METTL16: variants seen among roughly 807,000 people sequenced by gnomAD.
METTL16 encodes the protein RNA N(6)-adenosine-methyltransferase METTL16.
A neutral mutation model predicts 57.9 loss-of-function variants in METTL16; 19 were observed. The ratio of observed to expected loss-of-function variants is 0.33; its 90% CI spans 0.23 to 0.48. The LOEUF is 0.48. METTL16 is among the 20% of genes least tolerant of loss of function. The probability of loss-of-function intolerance (pLI) is 0.99; values close to 1 mark genes in which losing one functional copy is unlikely to be tolerated. For synonymous variants in METTL16, 246 were observed against 255.6 expected, an observed-to-expected ratio of 0.96 and a Z score of 0.36; for missense variants, 434 against 691.5, an observed-to-expected ratio of 0.63 and a Z score of 4.18.
chr17:2,510,990 G>C (rs1567910844), intron 1 of METTL16, among the ~76,000 whole-genome samples: 1 of 151,868 alleles, frequency 6.6e-6, no homozygotes, highest in Non-Finnish European at 1.5e-5. Context: ...TGTCTGTCTT[G>C]TTCACCGCAT....
intron 8 of METTL16, among the ~76,000 whole-genome samples, chr17:2,428,714 T>C (rs1348196732): frequency 1.4e-5 from 2 of 147,418 alleles, no homozygotes; most frequent in Non-Finnish European, 3.0e-5. Flanking sequence ...ATGGGCAACA[T>C]AGTAAGACCC....
chr17:2,435,857 T>A (rs1248143349), intron 8 of METTL16, among the ~76,000 whole-genome samples: 2 of 151,638 alleles, frequency 1.3e-5, no homozygotes, highest in African/African-American at 4.8e-5. Flanking sequence ...TGAACGGGGC[T>A]GAAGGATGCC....
intron 6 of METTL16, among the ~76,000 whole-genome samples, chr17:2,443,905 G>C (rs566652152): frequency 6.6e-6 from 1 of 152,312 alleles, no homozygotes; most frequent in South Asian, 2.1e-4. Flanking sequence ...GAAGATGTTG[G>C]TGGGAGGGCA....
At chr17:2,470,868 T>G (rs1029585588) in intron 4 of METTL16, among the ~76,000 whole-genome samples, 2 of 152,166 alleles carry the variant, frequency 1.3e-5, no homozygotes, top group African/African-American at 4.8e-5. Flanking sequence ...ATAAACTAAT[T>G]GTAAAGTTTA....
intron 1 of METTL16, among the ~76,000 whole-genome samples, chr17:2,509,236 G>A (rs917884993): frequency 6.6e-6 from 1 of 152,108 alleles, no homozygotes; most frequent in Non-Finnish European, 1.5e-5. Context: ...AATATTTTTT[G>A]AGTAAACAAT....
At chr17:2,470,790 C>T (rs1361501592) in intron 4 of METTL16, among the ~76,000 whole-genome samples, 1 of 152,158 alleles carries the variant, frequency 6.6e-6, no homozygotes, top group East Asian at 1.9e-4. Flanking sequence ...ACAGTGAGAC[C>T]CTGTCTCTAA....
chr17:2,459,246 C>A (rs971919458), intron 6 of METTL16, among the ~76,000 whole-genome samples: 29 of 152,212 alleles, frequency 1.9e-4, no homozygotes, highest in African/African-American at 5.3e-4. Context: ...CAGCTTAGAG[C>A]TGCAGAGGCT....
chr17:2,506,029 G>A (rs985785978), intron 1 of METTL16, among the ~76,000 whole-genome samples: 15 of 151,732 alleles, frequency 9.9e-5, no homozygotes, highest in African/African-American at 2.2e-4. Context: ...GTGCAGTGGC[G>A]CAATCTTGGC....
intron 3 of METTL16, among the ~76,000 whole-genome samples, chr17:2,474,380 C>CAAAAAGAAAA (rs2067255367): frequency 2.6e-4 from 8 of 30,724 alleles, no homozygotes; most frequent in Middle Eastern, 0.023. Flanking sequence ...CTGAAAGAAA[C>CAAAAAGAAAA]AAAAAGAAAA....
chr17:2,440,389 C>T (rs189783482), intron 7 of METTL16, among the ~76,000 whole-genome samples: 3 of 152,140 alleles, frequency 2.0e-5, no homozygotes, highest in Non-Finnish European at 4.4e-5. Context: ...GCTGGGACTA[C>T]AGGCGCGTGC....
intron 8 of METTL16, among the ~76,000 whole-genome samples, chr17:2,428,566 TA>T (rs2066840942): frequency 6.3e-5 from 1 of 15,874 alleles, no homozygotes; most frequent in African/African-American, 2.9e-4. Flanking sequence ...AAAAAAAAAA[TA>T]TATATATATA....
chr17:2,447,457 T>C (rs1464140687), intron 6 of METTL16, among the ~76,000 whole-genome samples: 6 of 92,474 alleles, frequency 6.5e-5, no homozygotes, highest in African/African-American at 1.0e-4. Flanking sequence ...GTGGGGGGGG[T>C]CAGCCCCCCG....
intron 6 of METTL16, among the ~76,000 whole-genome samples, chr17:2,449,182 GT>G (rs2067050156): frequency 6.6e-6 from 1 of 152,068 alleles, no homozygotes; most frequent in African/African-American, 2.4e-5. Context: ...GTGTGTAAAG[GT>G]GAAAGATATT....
At chr17:2,492,120 A>G (rs974573259) in intron 2 of METTL16, among the ~76,000 whole-genome samples, 10 of 151,450 alleles carry the variant, frequency 6.6e-5, no homozygotes, top group Admixed American at 2.6e-4. Context: ...CTGAGGTAGG[A>G]GAATGGCGTG....
chr17:2,498,312 T>A (rs2067461396), intron 2 of METTL16, among the ~76,000 whole-genome samples: 1 of 151,378 alleles, frequency 6.6e-6, no homozygotes, highest in Non-Finnish European at 1.5e-5. Flanking sequence ...CTCAGGAGGT[T>A]GAGGCAGGAG....
chr17:2,473,725 T>G, intron 3 of METTL16, 61 bp from the exon 4 acceptor site: 1 of 1,518,154 alleles, frequency 6.6e-7, no homozygotes, highest in Non-Finnish European at 9.0e-7. Flanking sequence ...ACAATAATCA[T>G]GAAAACACCA....
In METTL16 at chr17:2,417,921, A is replaced by C. The variant is rs2066732473; in HGVS notation, c.*2049T>G. 1 of 152,190 alleles carries C rather than the reference A, an allele frequency of 6.6e-6. No individual in the cohort carries two copies. The highest frequency in any genetic ancestry group is 1.9e-4 in the East Asian group (1 of 5,202). 9.4% of individuals were successfully genotyped at this position (152,190 alleles called of 1,614,324 possible). Reference sequence around the variant, plus strand: ...AAACAATTATCCTAAAATTATACCAAGGAAACTAGGTTTGGGCCCAGCAAA... The same window carrying C: ...AAACAATTATCCTAAAATTATACCACGGAAACTAGGTTTGGGCCCAGCAAA... On this transcript the variant is annotated 3_prime_UTR_variant, in exon 10 of 10. Transcript: ENST00000263092.
chr17:2,474,053 G>A lies in METTL16; in HGVS notation c.329-389C>T, dbSNP rs190652467. ...ATTAGATCCAACTTCCTAAAGGATC[G>A]AAACCTTGCTGGCCTCCTCTTTCGT... is the stretch of plus-strand genomic sequence containing the variant. On this transcript the variant is annotated intron_variant, in intron 3 of 9. Coordinates refer to ENST00000263092, the MANE Select transcript of METTL16 (RefSeq NM_024086.4). Among the ~76,000 whole-genome samples the A allele has an allele frequency of 2.0e-4, 30 of 152,136 alleles. 1 individual carries two copies. Among genetic ancestry groups the A allele is most frequent in the East Asian group, 7.7e-4 (4 of 5,182 alleles).
intron 5 of METTL16, among the ~76,000 whole-genome samples, chr17:2,465,950 T>C (rs1270029486): frequency 8.7e-5 from 13 of 148,684 alleles, no homozygotes; most frequent in Non-Finnish European, 1.8e-4. Context: ...CCCAGCACTT[T>C]GGGAGGCCAA....
Sources: allele counts gnomAD v4.1 joint callset (sites outside exome capture counted in the v4.1 genomes callset), GRCh38; gene constraint gnomAD v4.1.1; transcripts MANE v1.5; gene names NCBI Gene and HGNC (gene_info 2026-07-23, HGNC 2026-07-21).